SUCLG2: variants seen among roughly 807,000 people sequenced by gnomAD.
SUCLG2 encodes the protein succinate-CoA ligase GDP-forming subunit beta, also known as succinate--CoA ligase [GDP-forming] subunit beta, mitochondrial.
Under a neutral mutation model 47.9 loss-of-function variants are expected in SUCLG2, and 42 were observed. The ratio of observed to expected loss-of-function variants is 0.88; its 90% CI spans 0.69 to 1.14. SUCLG2 has a LOEUF of 1.14. Ranked by LOEUF, SUCLG2 falls within the 50% of genes most tolerant of loss-of-function variation. The pLI is 0.00. For missense variants in SUCLG2, 571 were observed against 525.9 expected (o/e 1.09, Z -0.84); for synonymous variants, 195 against 197.3 (o/e 0.99, Z 0.10).
intron 9 of SUCLG2, among the ~76,000 whole-genome samples, chr3:67,441,217 G>C (rs1182598839): frequency 1.3e-5 from 2 of 152,080 alleles, no homozygotes; most frequent in Non-Finnish European, 2.9e-5. Context: ...CACACACTGG[G>C]GCCTGTCAGG....
At chr3:67,490,173 T>A (rs896318113) in intron 9 of SUCLG2, among the ~76,000 whole-genome samples, 3 of 152,184 alleles carry the variant, frequency 2.0e-5, no homozygotes, top group African/African-American at 7.2e-5. Flanking sequence ...TCAGTTTAAG[T>A]TTAAACAGCT....
chr3:67,475,219 G>C (rs1477804848), intron 9 of SUCLG2, among the ~76,000 whole-genome samples: 1 of 152,104 alleles, frequency 6.6e-6, no homozygotes, highest in Non-Finnish European at 1.5e-5. Context: ...CTGCCTATTA[G>C]CAAAACAGAA....
At chr3:67,631,687 C>A (rs891706791) in intron 1 of SUCLG2, among the ~76,000 whole-genome samples, 1 of 152,010 alleles carries the variant, frequency 6.6e-6, no homozygotes, top group Non-Finnish European at 1.5e-5. Context: ...GTTTACTGAC[C>A]TCTCATTTTA....
At chr3:67,652,227 T>C (rs1378971391) in intron 1 of SUCLG2, among the ~76,000 whole-genome samples, 1 of 150,972 alleles carries the variant, frequency 6.6e-6, no homozygotes, top group Non-Finnish European at 1.5e-5. Context: ...AATTTAACCA[T>C]AGGGAGGAGG....
chr3:67,489,605 G>T (rs549627219), intron 9 of SUCLG2, among the ~76,000 whole-genome samples: 3 of 152,344 alleles, frequency 2.0e-5, no homozygotes, highest in South Asian at 2.1e-4. Flanking sequence ...AATAATGCTT[G>T]TGTTGTATAA....
At chr3:67,407,244 G>A (rs953305217) in intron 9 of SUCLG2, among the ~76,000 whole-genome samples, 4 of 152,150 alleles carry the variant, frequency 2.6e-5, no homozygotes, top group African/African-American at 9.7e-5. Flanking sequence ...GATGTGATTT[G>A]GTTCATTTCC....
At chr3:67,465,212 G>T (rs1271264555) in intron 9 of SUCLG2, among the ~76,000 whole-genome samples, 13 of 152,052 alleles carry the variant, frequency 8.5e-5, no homozygotes, top group Non-Finnish European at 1.8e-4. Context: ...AGATTTCATT[G>T]TTCTGGTGCT....
chr3:67,395,486 A>C lies in SUCLG2; in HGVS notation c.1183+5245T>G, dbSNP rs572865363. On this transcript the variant is annotated intron_variant, in intron 10 of 10. Coordinates refer to ENST00000307227, the MANE Select transcript of SUCLG2 (RefSeq NM_003848.4). Reference sequence around the variant, plus strand: ...AAGAAGAACTAACTATCCTAAATATATATGCACCCAATACAGGAGCACCCA... The same window carrying C: ...AAGAAGAACTAACTATCCTAAATATCTATGCACCCAATACAGGAGCACCCA... 6.1e-3 allele frequency among the ~76,000 whole-genome samples: 929 copies of C among 152,350 alleles called. 8 individuals carry two copies. Among genetic ancestry groups the C allele is most frequent in the African/African-American group, 0.021 (862 of 41,558 alleles).
chr3:67,380,116 A>G lies in SUCLG2; in HGVS notation c.1184-4257T>C, dbSNP rs78798903. ...CTTGCTGTCCTAACAACCCTTTCCT[A>G]TAGGGTTGAAATAGATACCGCAAAC... On this transcript the variant is annotated intron_variant, in intron 10 of 10. Transcript: ENST00000307227. 1.0e-2 allele frequency among the ~76,000 whole-genome samples: 1,512 copies of G among 151,396 alleles called. 30 individuals carry two copies. Among genetic ancestry groups the G allele is most frequent in the African/African-American group, 0.035 (1,435 of 41,232 alleles).
chr3:67,459,224 C>T (rs796273764), intron 9 of SUCLG2, among the ~76,000 whole-genome samples: 12 of 152,020 alleles, frequency 7.9e-5, no homozygotes, highest in African/African-American at 2.7e-4. Context: ...GCCTGCTTGA[C>T]GAAGCACATT....
chr3:67,459,285 T>C (rs1490356142), intron 9 of SUCLG2, among the ~76,000 whole-genome samples: 1 of 152,208 alleles, frequency 6.6e-6, no homozygotes, highest in African/African-American at 2.4e-5. Flanking sequence ...AATAACAACA[T>C]TCTCTATGAC....
intron 2 of SUCLG2, among the ~76,000 whole-genome samples, chr3:67,573,481 A>G (rs1707667670): frequency 6.6e-6 from 1 of 152,230 alleles, no homozygotes; most frequent in Non-Finnish European, 1.5e-5. Context: ...TCCATTAGAA[A>G]TTACCACAAA....
chr3:67,436,738 A>G (rs1048132383), intron 9 of SUCLG2, among the ~76,000 whole-genome samples: 3 of 152,204 alleles, frequency 2.0e-5, no homozygotes, highest in Admixed American at 6.5e-5. Flanking sequence ...TAAAAAAATT[A>G]TAAGTGATGT....
At chr3:67,443,944 C>T (rs1291270087) in intron 9 of SUCLG2, among the ~76,000 whole-genome samples, 1,410 of 102,574 alleles carry the variant, frequency 0.014, 8 homozygotes, top group African/African-American at 0.045. Flanking sequence ...GCAGCCACCC[C>T]GTCCGGGAGG....
chr3:67,435,058 T>C (rs2106895936), intron 9 of SUCLG2, among the ~76,000 whole-genome samples: 1 of 152,316 alleles, frequency 6.6e-6, no homozygotes, highest in South Asian at 2.1e-4. Flanking sequence ...CTGCACTCAC[T>C]TGCTTTCTCC....
intron 9 of SUCLG2, among the ~76,000 whole-genome samples, chr3:67,415,677 A>G (rs1703024978): frequency 6.6e-6 from 1 of 152,216 alleles, no homozygotes; most frequent in African/African-American, 2.4e-5. Flanking sequence ...TGTCCTTTAT[A>G]TACACCAGAT....
intron 2 of SUCLG2, among the ~76,000 whole-genome samples, chr3:67,541,475 G>A (rs906697707): frequency 1.3e-5 from 2 of 152,102 alleles, no homozygotes; most frequent in African/African-American, 4.8e-5. Flanking sequence ...AAAAAAGAGT[G>A]AAAAGCAACA....
chr3:67,462,442 CA>C (rs1276348175), intron 9 of SUCLG2, among the ~76,000 whole-genome samples: 1 of 152,092 alleles, frequency 6.6e-6, no homozygotes, highest in Non-Finnish European at 1.5e-5. Flanking sequence ...AGTCACATTT[CA>C]AAATGGCTGT....
intron 9 of SUCLG2, among the ~76,000 whole-genome samples, chr3:67,421,438 G>A (rs1703155898): frequency 6.6e-6 from 1 of 152,166 alleles, no homozygotes; most frequent in South Asian, 2.1e-4. Flanking sequence ...GGGAGACCTG[G>A]GTTCTAGTCT....
Sources: allele counts gnomAD v4.1 joint callset (sites outside exome capture counted in the v4.1 genomes callset), GRCh38; gene constraint gnomAD v4.1.1; transcripts MANE v1.5; gene names NCBI Gene and HGNC (gene_info 2026-07-23, HGNC 2026-07-21).